The following PAXBP1 variants were observed in gnomAD, a reference collection of about 807,000 sequenced individuals.
PAXBP1 encodes the protein PAX3 and PAX7 binding protein 1, also known as PAX3- and PAX7-binding protein 1.
Under a neutral mutation model 119.9 loss-of-function variants are expected in PAXBP1, and 44 were observed. That is an observed-to-expected ratio of 0.37 (90% CI 0.29 to 0.47). The LOEUF (loss-of-function observed/expected upper bound fraction) is 0.47, where lower values mean the gene tolerates loss of function less well. PAXBP1 is among the 20% of genes least tolerant of loss of function. PAXBP1 has a pLI of 0.99. For missense variants in PAXBP1, 898 were observed against 1,134.1 expected, an observed-to-expected ratio of 0.79 and a Z score of 2.99; for synonymous variants, 393 against 406.6, an observed-to-expected ratio of 0.97 and a Z score of 0.40.
At chr21:32,768,863 C>T (rs969017422) in intron 2 of PAXBP1, among the ~76,000 whole-genome samples, 8 of 152,194 alleles carry the variant, frequency 5.3e-5, no homozygotes, top group African/African-American at 1.9e-4. Flanking sequence ...TTGTTCTTTT[C>T]CAAAACAGCT....
chr21:32,741,192 G>GA (rs1338586560), intron 15 of PAXBP1, among the ~76,000 whole-genome samples: 2 of 152,156 alleles, frequency 1.3e-5, no homozygotes, highest in Admixed American at 6.6e-5. Context: ...CAAATGAAAT[G>GA]AAACTTACAT....
intron 8 of PAXBP1, chr21:32,752,255 C>T (rs1464433063): frequency 1.3e-5 from 2 of 152,140 alleles, no homozygotes; most frequent in Non-Finnish European, 1.5e-5. Flanking sequence ...GTTGGGGATC[C>T]CCAGATTTTA....
chr21:32,738,365 G>A (rs1271646974), intron 15 of PAXBP1, 46 bp from the exon 16 acceptor site: 2 of 1,475,960 alleles, frequency 1.4e-6, no homozygotes, highest in South Asian at 2.6e-5. Flanking sequence ...ATTAGATTAG[G>A]TACAAAGTAA....
chr21:32,748,451 C>G, intron 11 of PAXBP1, 48 bp downstream of exon 11: 1 of 1,537,166 alleles, frequency 6.5e-7, no homozygotes, highest in Non-Finnish European at 8.8e-7. Context: ...TTAAAATTAC[C>G]CAGATATCAA....
intron 3 of PAXBP1, among the ~76,000 whole-genome samples, chr21:32,763,394 T>C (rs185812356): frequency 1.8e-4 from 27 of 152,324 alleles, no homozygotes; most frequent in Non-Finnish European, 3.5e-4. Context: ...GATATGAAAT[T>C]ACTGGGTCAA....
chr21:32,749,632 T>C (rs897092305), intron 10 of PAXBP1, among the ~76,000 whole-genome samples: 1 of 152,146 alleles, frequency 6.6e-6, no homozygotes, highest in Admixed American at 6.5e-5. Context: ...ACATTTGTCA[T>C]GTGCTTTTAA....
At position 32,764,696 on chromosome 21, in the gene PAXBP1, A is replaced by G. The variant is rs529357519; in HGVS notation, c.473-172T>C. 4.5e-4 allele frequency among the ~76,000 whole-genome samples: 69 copies of G among 152,230 alleles called. 1 individual carries two copies. Among genetic ancestry groups the G allele is most frequent in the Non-Finnish European group, 8.2e-4 (56 of 68,038 alleles). ...TGAATTAATTGTTTGTTAAAAACTC[A>G]TAACTCTTGAGTGTGTGAGTATGAA... On this transcript the variant is annotated intron_variant, in intron 2 of 17. Coordinates refer to ENST00000331923, the MANE Select transcript of PAXBP1 (RefSeq NM_016631.4).
chr21:32,759,219 T>C lies in PAXBP1; in HGVS notation c.1244A>G (p.Lys415Arg), dbSNP rs1219456858. Reference protein sequence around the residue: ...LHKTNRQQHEKHLQSRVDSTR... With the variant: ...LHKTNRQQHERHLQSRVDSTR... ...AGAGTCCACTCGGCTTTGCAGATGT[T>C]TCTCATGCTGCTGTCGATTTGTTTT... Residue 415 changes from lysine to arginine, a missense_variant, in exon 7 of 18, where the codon AAA becomes AGA. Around this residue, in one of 2 missense-constraint regions of PAXBP1, gnomAD observed 599 missense variants for 852.7 expected, o/e 0.70. Coordinates refer to ENST00000331923, the MANE Select transcript of PAXBP1 (RefSeq NM_016631.4). 17 of 1,613,958 alleles carry C rather than the reference T, an allele frequency of 1.1e-5. No individual in the cohort carries two copies. The highest frequency in any genetic ancestry group is 1.4e-5 in the Non-Finnish European group (17 of 1,179,944).
Position 32,738,282 on chromosome 21 carries a change from G to T in PAXBP1, c.2372C>A (p.Ser791Ter). ...TGATAACTCTTGCAGAGTTTTATTT[G>T]AGAAAATGCCATACCACTGAAGAAA... ...GNFLQWYGIF[S>*]NKTLQELSID... Residue 791 changes from serine to a stop codon, truncating the protein, a stop_gained, in exon 16 of 18, where the codon TCA (serine) becomes TAA (stop). Transcript: ENST00000331923. LOFTEE classifies it high-confidence loss of function. 6.3e-7 allele frequency: 1 copy of T among 1,595,530 alleles called. No homozygotes were observed.
chr21:32,763,964 G>A (rs1302072085), intron 3 of PAXBP1, among the ~76,000 whole-genome samples: 16 of 145,304 alleles, frequency 1.1e-4, no homozygotes, highest in Admixed American at 9.0e-4. Flanking sequence ...TCCAGCCTGG[G>A]CAACAAAAGG....
At chr21:32,767,650 G>A (rs925891255) in intron 2 of PAXBP1, among the ~76,000 whole-genome samples, 4 of 152,164 alleles carry the variant, frequency 2.6e-5, no homozygotes, top group Admixed American at 1.3e-4. Flanking sequence ...GAGATCTGAT[G>A]GGTTTATCAG....
chr21:32,761,261 A>AGTTAAT (rs1484441281), intron 4 of PAXBP1, 99 bp from the exon 5 acceptor site: 97 of 864,782 alleles, frequency 1.1e-4, no homozygotes, highest in Non-Finnish European at 1.7e-4. Flanking sequence ...CAAAACTATT[A>AGTTAAT]ACTCAATCTT....
At chr21:32,762,630 T>C (rs541803244) in intron 3 of PAXBP1, among the ~76,000 whole-genome samples, 10 of 151,738 alleles carry the variant, frequency 6.6e-5, no homozygotes, top group Non-Finnish European at 1.3e-4. Context: ...TTTTAACAAA[T>C]AGAAGTGGCC....
intron 15 of PAXBP1, chr21:32,741,300 C>G (rs1292043119): frequency 2.5e-5 from 10 of 398,870 alleles, no homozygotes; most frequent in Non-Finnish European, 4.6e-5. Flanking sequence ...TCCCCTTTGC[C>G]CTATGAAGTT....
intron 14 of PAXBP1, 31 bp from the exon 15 acceptor site, chr21:32,743,345 T>C (rs760591322): frequency 7.0e-7 from 1 of 1,421,812 alleles, no homozygotes; most frequent in Admixed American, 2.5e-5. Context: ...CATATCATGA[T>C]CAGATATTTT....
chr21:32,769,737 A>T, intron 2 of PAXBP1, 77 bp downstream of exon 2: 1 of 1,504,566 alleles, frequency 6.6e-7, no homozygotes, highest in Non-Finnish European at 9.0e-7. Flanking sequence ...ATGAGTTCAG[A>T]AGATATACAG....
intron 15 of PAXBP1, chr21:32,741,546 C>A (rs777782537): frequency 1.3e-6 from 1 of 777,466 alleles, no homozygotes; most frequent in East Asian, 2.4e-5. Flanking sequence ...CGTCCAGATT[C>A]TTCTTGGCCT....
chr21:32,755,947 G>C (rs1478885914), intron 7 of PAXBP1: 2 of 180,820 alleles, frequency 1.1e-5, no homozygotes, highest in African/African-American at 4.8e-5. Context: ...AATTACTAGG[G>C]CGAATAAAAT....
chr21:32,736,260 C>T (rs2043690926), intron 17 of PAXBP1, among the ~76,000 whole-genome samples: 1 of 152,174 alleles, frequency 6.6e-6, no homozygotes, highest in Non-Finnish European at 1.5e-5. Flanking sequence ...GCAATCTCAG[C>T]TCACTGCAAC....
Sources: gnomAD v4.1 joint callset for allele counts (sites outside exome capture counted in the v4.1 genomes callset) on GRCh38, gnomAD v4.1.1 for gene constraint, gnomAD v4.1.1 regional missense constraint, MANE v1.5 for transcripts, NCBI Gene and HGNC (gene_info 2026-07-23, HGNC 2026-07-21) for gene names.